The following ADAMTSL1 variants were observed in gnomAD, a reference collection of about 807,000 sequenced individuals.
ADAMTSL1 encodes the protein ADAMTS-like protein 1.
Under a neutral mutation model 201.8 loss-of-function variants are expected in ADAMTSL1, and 126 were observed. The observed-to-expected ratio is 0.62, with a 90% CI of 0.54 to 0.72. The LOEUF (loss-of-function observed/expected upper bound fraction) is 0.72, where lower values mean the gene tolerates loss of function less well. ADAMTSL1 is among the 30% of genes least tolerant of loss of function. The probability of loss-of-function intolerance (pLI) is 0.00; values close to 1 mark genes in which losing one functional copy is unlikely to be tolerated. For synonymous variants in ADAMTSL1, 1,121 were observed against 903.4 expected, an observed-to-expected ratio of 1.24 and a Z score of -4.32; for missense variants, 2,679 against 2,277.8, an observed-to-expected ratio of 1.18 and a Z score of -3.59.
intron 20 of ADAMTSL1, among the ~76,000 whole-genome samples, chr9:18,807,440 CGA>C (rs1823213465): frequency 1.3e-5 from 2 of 152,026 alleles, no homozygotes; most frequent in South Asian, 2.1e-4. Context: ...GTCAGGAGAT[CGA>C]GACCATCCTG....
chr9:18,326,015 T>C (rs1834818405), intron 2 of ADAMTSL1, among the ~76,000 whole-genome samples: 1 of 152,172 alleles, frequency 6.6e-6, no homozygotes, highest in African/African-American at 2.4e-5. Context: ...GTGCTGGGAT[T>C]ACAGGTGTGA....
chr9:18,877,377 G>A (rs1468693911), intron 23 of ADAMTSL1, among the ~76,000 whole-genome samples: 1 of 152,146 alleles, frequency 6.6e-6, no homozygotes, highest in African/African-American at 2.4e-5. Context: ...GGGAAGATCT[G>A]GGGCTCAAGG....
At chr9:17,926,520 G>A (rs1457627494) in intron 1 of ADAMTSL1, among the ~76,000 whole-genome samples, 3 of 152,152 alleles carry the variant, frequency 2.0e-5, no homozygotes, top group African/African-American at 7.2e-5. Flanking sequence ...GAGGAGGAGA[G>A]TGCTGCTCTA....
intron 2 of ADAMTSL1, among the ~76,000 whole-genome samples, chr9:18,380,955 T>A (rs977032267): frequency 6.6e-6 from 1 of 152,190 alleles, no homozygotes; most frequent in Non-Finnish European, 1.5e-5. Flanking sequence ...TTGGTCTTGA[T>A]GGAAAACCCC....
chr9:18,566,877 G>C (rs538019561), intron 3 of ADAMTSL1, among the ~76,000 whole-genome samples: 4 of 152,180 alleles, frequency 2.6e-5, no homozygotes, highest in Non-Finnish European at 5.9e-5. Context: ...TGACATGATG[G>C]CTCCTTGGAC....
intron 2 of ADAMTSL1, among the ~76,000 whole-genome samples, chr9:18,195,194 G>T: frequency 6.6e-6 from 1 of 152,186 alleles, no homozygotes; most frequent in East Asian, 1.9e-4. Context: ...AGTAAAATTC[G>T]TAGTCAGTTC....
chr9:17,960,282 G>T (rs1817689164), intron 1 of ADAMTSL1, among the ~76,000 whole-genome samples: 1 of 152,152 alleles, frequency 6.6e-6, no homozygotes. Flanking sequence ...ATGTCTGCTT[G>T]CATCTTATTG....
At chr9:18,769,461 A>C (rs939790275) in intron 16 of ADAMTSL1, among the ~76,000 whole-genome samples, 1 of 152,262 alleles carries the variant, frequency 6.6e-6, no homozygotes, top group Non-Finnish European at 1.5e-5. Flanking sequence ...GGGTTATGTC[A>C]GACTGAAAGT....
At chr9:18,254,273 G>A (rs535306163) in intron 2 of ADAMTSL1, among the ~76,000 whole-genome samples, 3 of 150,840 alleles carry the variant, frequency 2.0e-5, no homozygotes, top group East Asian at 3.9e-4. Context: ...ATTTACGGAC[G>A]GGTGGCCACG....
intron 15 of ADAMTSL1, among the ~76,000 whole-genome samples, chr9:18,743,392 AT>A (rs1205211637): frequency 6.6e-6 from 1 of 152,132 alleles, no homozygotes; most frequent in African/African-American, 2.4e-5. Flanking sequence ...TGCAAGTGCC[AT>A]TTTTTTCAAG....
At chr9:18,070,069 A>C (rs1398933164) in intron 1 of ADAMTSL1, among the ~76,000 whole-genome samples, 2 of 152,212 alleles carry the variant, frequency 1.3e-5, no homozygotes, top group African/African-American at 4.8e-5. Context: ...GTCAGTCTTA[A>C]GCTTAGATGT....
At chr9:18,517,455 A>G (rs1465304122) in intron 2 of ADAMTSL1, among the ~76,000 whole-genome samples, 2 of 151,586 alleles carry the variant, frequency 1.3e-5, no homozygotes, top group Non-Finnish European at 2.9e-5. Flanking sequence ...TTTAGGATAC[A>G]TGTGCACATT....
chr9:18,641,411 A>G (rs572140040), intron 7 of ADAMTSL1, among the ~76,000 whole-genome samples: 1 of 152,186 alleles, frequency 6.6e-6, no homozygotes, highest in East Asian at 1.9e-4. Flanking sequence ...AGATGCTGAC[A>G]TCTCTATTAT....
At chr9:18,018,098 A>G (rs565713085) in intron 1 of ADAMTSL1, among the ~76,000 whole-genome samples, 2 of 152,108 alleles carry the variant, frequency 1.3e-5, no homozygotes, top group African/African-American at 4.8e-5. Context: ...AACTACACAT[A>G]TATAGAAAAA....
intron 20 of ADAMTSL1, among the ~76,000 whole-genome samples, chr9:18,806,619 A>G (rs1014029962): frequency 6.6e-6 from 1 of 152,212 alleles, no homozygotes; most frequent in Non-Finnish European, 1.5e-5. Context: ...ATTAGGCCAA[A>G]GATATTTTTC....
At position 18,430,403 on chromosome 9, in the gene ADAMTSL1, A is replaced by G. The variant is rs560355654; in HGVS notation, c.208-74426A>G. Among the ~76,000 whole-genome samples, 28 of 152,262 alleles carry G rather than the reference A, an allele frequency of 1.8e-4. No homozygotes were observed. The East Asian group carries it at 5.2e-3, about 28-fold the overall frequency. The stretch of plus-strand genomic sequence containing the variant: ...CTCACTCTTTTCTTACTTATATTAG[A>G]GGTTGCTAATCCAGAAGAATGTATC... On this transcript the variant is annotated intron_variant, in intron 2 of 29. Transcript: ENST00000680146.
intron 1 of ADAMTSL1, among the ~76,000 whole-genome samples, chr9:18,491,415 T>C (rs1197384924): frequency 2.0e-5 from 3 of 152,218 alleles, no homozygotes; most frequent in Non-Finnish European, 4.4e-5. Context: ...GAAAAAGAAC[T>C]CTTCTTGCTG....
intron 2 of ADAMTSL1, among the ~76,000 whole-genome samples, chr9:18,289,101 C>T (rs1369288269): frequency 1.3e-5 from 2 of 151,816 alleles, no homozygotes; most frequent in African/African-American, 4.8e-5. Flanking sequence ...AGATATATAC[C>T]TAATACATAT....
intron 3 of ADAMTSL1, among the ~76,000 whole-genome samples, chr9:18,559,364 A>G (rs1190781963): frequency 1.3e-5 from 2 of 152,130 alleles, no homozygotes; most frequent in East Asian, 3.9e-4. Flanking sequence ...CCATTGGTCT[A>G]TATATCTGTT....
Sources: allele counts gnomAD v4.1 joint callset (sites outside exome capture counted in the v4.1 genomes callset), GRCh38; gene constraint gnomAD v4.1.1; transcripts MANE v1.5; gene names NCBI Gene and HGNC (gene_info 2026-07-23, HGNC 2026-07-21).